SLC16A12: variants seen among roughly 807,000 people sequenced by gnomAD.
The protein encoded by SLC16A12 is monocarboxylate transporter 12.
A neutral mutation model predicts 42.4 loss-of-function variants in SLC16A12; 17 were observed. That is an observed-to-expected ratio of 0.40 (90% CI 0.27 to 0.60). The LOEUF (loss-of-function observed/expected upper bound fraction) is 0.60. SLC16A12 is among the 20% of genes least tolerant of loss of function. The pLI is 0.42. For missense variants in SLC16A12, 544 were observed against 623.0 expected (o/e 0.87, Z 1.35); for synonymous variants, 224 against 229.4 (o/e 0.98, Z 0.21).
chr10:89,462,612 G>T lies in SLC16A12; in HGVS notation c.-34C>A. 3 of 1,562,688 alleles carry T rather than the reference G, an allele frequency of 1.9e-6. No individual in the cohort carries two copies. On this transcript the variant is annotated 5_prime_UTR_variant, in exon 3 of 8. Transcript: ENST00000371790. The stretch of plus-strand genomic sequence containing the variant: ...GGCATAGAACGCTACCTGGCCCATG[G>T]GTTACTCGCCATCTAAAACCAAAAA...
At chr10:89,483,091 CT>C (rs2133790856) in intron 2 of SLC16A12, among the ~76,000 whole-genome samples, 1 of 151,582 alleles carries the variant, frequency 6.6e-6, no homozygotes, top group South Asian at 2.1e-4. Flanking sequence ...CCCTTCCTGG[CT>C]TGAAGATGGC....
At chr10:89,539,315 C>T (rs980850868), upstream of SLC16A12, among the ~76,000 whole-genome samples, 2 of 152,144 alleles carry the variant, frequency 1.3e-5, no homozygotes, top group African/African-American at 4.8e-5. Flanking sequence ...TAGTTGTGTT[C>T]TAACTTTCTC....
At chr10:89,520,679 C>T (rs1200628339) in intron 2 of SLC16A12, among the ~76,000 whole-genome samples, 1 of 144,360 alleles carries the variant, frequency 6.9e-6, no homozygotes, top group Non-Finnish European at 1.5e-5. Flanking sequence ...GAAGAACTGT[C>T]CAAGGCCCCA....
chr10:89,455,631 C>T (rs80166802), intron 3 of SLC16A12, among the ~76,000 whole-genome samples: 15 of 152,262 alleles, frequency 9.9e-5, no homozygotes, highest in African/African-American at 3.6e-4. Context: ...TGAACACAGG[C>T]ATGATATTAA....
Position 89,462,369 on chromosome 10 carries a change from TC to T in SLC16A12, c.200+9del, listed in dbSNP as rs754974354. ...TCATCTTAATAAGTTAAGAAGAAAA[TC>T]CTACCTACCTTGTGACTGCCCGTGT... On this transcript the variant is annotated intron_variant, in intron 3 of 7. Coordinates refer to ENST00000371790, the MANE Select transcript of SLC16A12 (RefSeq NM_213606.4). 3.1e-6 allele frequency: 5 copies of T among 1,613,804 alleles called. No individual in the cohort carries two copies. In the East Asian group the frequency reaches 8.9e-5, roughly 29 times the overall value.
intron 2 of SLC16A12, among the ~76,000 whole-genome samples, chr10:89,487,123 G>A (rs1232348480): frequency 6.6e-6 from 1 of 152,130 alleles, no homozygotes; most frequent in African/African-American, 2.4e-5. Context: ...CCATACAAAG[G>A]GTCAGATTCC....
intron 2 of SLC16A12, among the ~76,000 whole-genome samples, chr10:89,530,784 C>T (rs148901345): frequency 7.2e-5 from 11 of 152,226 alleles, no homozygotes; most frequent in African/African-American, 2.2e-4. Context: ...AGAACATAGC[C>T]GTCACCCCAA....
At chr10:89,455,149 G>C (rs1013279256) in intron 3 of SLC16A12, among the ~76,000 whole-genome samples, 2 of 152,102 alleles carry the variant, frequency 1.3e-5, no homozygotes, top group Admixed American at 6.5e-5. Flanking sequence ...GAAAATGAGT[G>C]TTACAAGCTG....
At chr10:89,519,492 G>C (rs1843314645) in intron 2 of SLC16A12, among the ~76,000 whole-genome samples, 1 of 152,076 alleles carries the variant, frequency 6.6e-6, no homozygotes, top group East Asian at 1.9e-4. Flanking sequence ...GTGAGAACCG[G>C]AACTATGAAT....
At chr10:89,525,093 C>T (rs188241741) in intron 2 of SLC16A12, among the ~76,000 whole-genome samples, 8 of 152,142 alleles carry the variant, frequency 5.3e-5, no homozygotes, top group Non-Finnish European at 1.0e-4. Context: ...TGGCGCCGTG[C>T]GCCTGTAGTC....
Position 89,438,906 on chromosome 10 carries a change from A to G in SLC16A12, c.726T>C (p.Cys242=), listed in dbSNP as rs201026617. ...DHTTPEQNHV[C]RTQKEDIKRV... ...GCTTAATGTCTTCTTTCTGAGTTCT[A>G]CACACATGGTTCTGCTCTGGAGTTG... The change falls in exon 6 of 8, where the codon TGT becomes TGC. Residue 242 remains cysteine, a synonymous_variant. Transcript: ENST00000371790. The G allele has an allele frequency of 1.1e-4, 176 of 1,614,062 alleles. No individual in the cohort carries two copies. Among genetic ancestry groups the G allele is most frequent in the Non-Finnish European group, 2.7e-5 (32 of 1,180,026 alleles).
chr10:89,505,757 A>G (rs1264920653), intron 2 of SLC16A12, among the ~76,000 whole-genome samples: 1 of 152,200 alleles, frequency 6.6e-6, no homozygotes, highest in African/African-American at 2.4e-5. Flanking sequence ...TCGCAACCGG[A>G]AGACCAGGAG....
rs186021202 is a variant in SLC16A12 at position 89,434,225 on chromosome 10, C to T, written c.1289-899G>A. Among the ~76,000 whole-genome samples, 204 of 151,884 alleles carry T rather than the reference C, an allele frequency of 1.3e-3. 1 individual carries two copies. The highest frequency in any genetic ancestry group is 4.7e-3 in the African/African-American group (194 of 41,410). Reference sequence around the variant, plus strand: ...GATTTACTTGTGCAATTCTATAGCACCAAACAAAAAAGACTGAGTACACAG... The same window carrying T: ...GATTTACTTGTGCAATTCTATAGCATCAAACAAAAAAGACTGAGTACACAG... On this transcript the variant is annotated intron_variant, in intron 7 of 7. Coordinates refer to ENST00000371790, the MANE Select transcript of SLC16A12 (RefSeq NM_213606.4).
At chr10:89,490,028 A>T (rs1478787099) in intron 2 of SLC16A12, among the ~76,000 whole-genome samples, 1 of 152,200 alleles carries the variant, frequency 6.6e-6, no homozygotes, top group Non-Finnish European at 1.5e-5. Context: ...AATCAAAAAA[A>T]CTATAACAAT....
At chr10:89,507,237 T>A (rs916552194) in intron 2 of SLC16A12, among the ~76,000 whole-genome samples, 5 of 152,004 alleles carry the variant, frequency 3.3e-5, no homozygotes, top group Non-Finnish European at 5.9e-5. Context: ...CACAGAGATA[T>A]TCCTCGAGAA....
intron 2 of SLC16A12, among the ~76,000 whole-genome samples, chr10:89,466,755 C>T (rs1589683616): frequency 6.6e-6 from 1 of 152,030 alleles, no homozygotes; most frequent in South Asian, 2.1e-4. Flanking sequence ...TACCCTATCC[C>T]TGATAGAGTA....
chr10:89,436,220 G>T lies in SLC16A12; in HGVS notation c.1128C>A (p.Leu376=). ...AGCCAAAGGTACAAGAGAAAGGCAC[G>T]AGCAGAGGGAGACTTTGAAGCATTG... ...CLPMLQSLPL[L]VPFSCTFGYF... The change falls in exon 7 of 8, where the codon CTC becomes CTA. Residue 376 remains leucine, a synonymous_variant. Transcript: ENST00000371790. 1 of 1,614,110 alleles carries T rather than the reference G, an allele frequency of 6.2e-7. No individual in the cohort carries two copies. Among genetic ancestry groups the T allele is most frequent in the Non-Finnish European group, 8.5e-7 (1 of 1,179,998 alleles).
chr10:89,540,364 G>T (rs971047872), upstream of SLC16A12, among the ~76,000 whole-genome samples: 2 of 152,150 alleles, frequency 1.3e-5, no homozygotes, highest in Non-Finnish European at 2.9e-5. Context: ...CTCCCAAAGT[G>T]CTGGGACCAC....
intron 2 of SLC16A12, among the ~76,000 whole-genome samples, chr10:89,463,767 A>T (rs2133750443): frequency 6.6e-6 from 1 of 152,210 alleles, no homozygotes; most frequent in East Asian, 1.9e-4. Context: ...CATTCATTCA[A>T]CTCTAAATAT....
Sources: allele counts gnomAD v4.1 joint callset (sites outside exome capture counted in the v4.1 genomes callset), GRCh38; gene constraint gnomAD v4.1.1; transcripts MANE v1.5; gene names NCBI Gene and HGNC (gene_info 2026-07-23, HGNC 2026-07-21).